Variants in DMBT1 observed in about 807,000 individuals in gnomAD.
DMBT1 encodes deleted in malignant brain tumors 1.
In DMBT1, 198 loss-of-function variants were observed where a neutral mutation model predicts 252.9. The observed-to-expected ratio is 0.78, with a 90% CI of 0.70 to 0.88. The LOEUF (loss-of-function observed/expected upper bound fraction) is 0.88, where lower values mean the gene tolerates loss of function less well. DMBT1 is among the 40% of genes least tolerant of loss of function. The pLI, the probability that DMBT1 is intolerant of heterozygous loss-of-function variation, is 0.00. For synonymous variants in DMBT1, 990 were observed against 942.7 expected, an observed-to-expected ratio of 1.05 and a Z score of -0.92; for missense variants, 2,432 against 2,404.7, an observed-to-expected ratio of 1.01 and a Z score of -0.24.
chr10:122,578,858 GA>G, intron 9 of DMBT1, 99 bp downstream of exon 9: 4 of 1,262,902 alleles, frequency 3.2e-6, no homozygotes, highest in Non-Finnish European at 4.5e-6. Context: ...GAGAGGTGGG[GA>G]AGTGGGCTAA....
chr10:122,576,781 C>T, intron 7 of DMBT1, 59 bp downstream of exon 7: 1 of 1,599,980 alleles, frequency 6.3e-7, no homozygotes, highest in Non-Finnish European at 8.6e-7. Context: ...AATCCCCACA[C>T]TTTGGGAGGA....
Position 122,618,033 on chromosome 10 carries a change from G to C in DMBT1, c.4908G>C (p.Leu1636Phe), listed in dbSNP as rs1365053223. The C allele has an allele frequency of 6.2e-7, 1 of 1,613,054 alleles. No homozygotes were observed. The highest frequency in any genetic ancestry group is 8.5e-7 in the Non-Finnish European group (1 of 1,179,750). ...RASTAGSEST[L>F]ALRLVNGGDR... The stretch of plus-strand genomic sequence containing the variant: ...CCCCTGTAGGATCTGAATCCACTTT[G>C]GCCCTGAGACTGGTGAATGGAGGTG... The change falls in exon 41 of 56, where the codon TTG becomes TTC. Residue 1636 changes from leucine to phenylalanine, a missense_variant. Around this residue, in one of 3 missense-constraint regions of DMBT1, gnomAD observed 1,162 missense variants for 1,169.0 expected, o/e 0.99. Coordinates refer to ENST00000338354, the MANE Select transcript of DMBT1 (RefSeq NM_001377530.1).
intron 9 of DMBT1, among the ~76,000 whole-genome samples, chr10:122,579,275 G>C (rs1469742923): frequency 1.3e-5 from 2 of 152,226 alleles, no homozygotes; most frequent in East Asian, 3.9e-4. Context: ...AGGGGTCTGG[G>C]CCTGCCATCT....
In DMBT1 at chr10:122,570,172, T is replaced by C. The variant is rs1392539611; in HGVS notation, c.102T>C (p.Ile34=). ...TTTTCCACCTCGCAGCTTCACTGAT[T>C]CCCTCGGAGGTGCCCTTGGATCCAA... ...IPRTTDYASL[I]PSEVPLDPTV... is the part of the protein sequence containing the mutation. The change falls in exon 3 of 56, where the codon ATT becomes ATC. Residue 34 remains isoleucine (I), a synonymous_variant. Transcript: ENST00000338354. The C allele has an allele frequency of 1.9e-6, 3 of 1,594,102 alleles. No homozygotes were observed. Among genetic ancestry groups the C allele is most frequent in the East Asian group, 2.2e-5 (1 of 44,766 alleles).
Position 122,633,243 on chromosome 10 carries a change from C to T in DMBT1, c.6450C>T (p.Ser2150=), listed in dbSNP as rs1026058163. 1.2e-5 allele frequency: 19 copies of T among 1,614,056 alleles called. No individual in the cohort carries two copies. Among genetic ancestry groups the T allele is most frequent in the Non-Finnish European group, 1.5e-5 (18 of 1,179,904 alleles). ...FLSQPSGDFS[S]PFYPGNYPNN... ...CCCAACCATCAGGGGACTTTTCCAG[C>T]CCATTCTATCCCGGGAACTATCCAA... is the stretch of plus-strand genomic sequence containing the variant. The change falls in exon 52 of 56, where the codon AGC becomes AGT. Residue 2150 remains serine, a synonymous_variant. Coordinates refer to ENST00000338354, the MANE Select transcript of DMBT1 (RefSeq NM_001377530.1).
chr10:122,641,008 C>T (rs1427199041), intron 55 of DMBT1, among the ~76,000 whole-genome samples: 1 of 152,182 alleles, frequency 6.6e-6, no homozygotes, highest in Non-Finnish European at 1.5e-5. Flanking sequence ...GGATGTGGCA[C>T]TGAGCACAGA....
rs199575931 is a variant in DMBT1 at position 122,586,225 on chromosome 10, T to G, written c.1625T>G (p.Leu542Trp). Reference protein sequence around the residue: ...CRQLGCGWAMLAPGNARFGQG... With the variant: ...CRQLGCGWAMWAPGNARFGQG... ...CAGCTGGGCTGTGGCTGGGCCATGT[T>G]GGCCCCAGGAAATGCCCGGTTTGGT... Residue 542 changes from leucine (L) to tryptophan (W), a missense_variant, in exon 16 of 56, where the codon TTG becomes TGG. By Grantham distance (61) the Leu-to-Trp change is moderately conservative. This residue lies in a region of DMBT1 where 1,264 missense variants were observed against 1,082.2 expected (regional missense o/e 1.17). Coordinates refer to ENST00000338354, the MANE Select transcript of DMBT1 (RefSeq NM_001377530.1). 1.1e-5 allele frequency: 17 copies of G among 1,589,026 alleles called. 1 individual carries two copies. The highest frequency in any genetic ancestry group is 1.5e-5 in the Non-Finnish European group (17 of 1,166,000).
chr10:122,617,685 C>G (rs1591454415), intron 40 of DMBT1, among the ~76,000 whole-genome samples: 1 of 151,762 alleles, frequency 6.6e-6, no homozygotes, highest in Middle Eastern at 3.4e-3. Flanking sequence ...CCACCAAACT[C>G]TTAAACATGG....
chr10:122,630,505 G>C lies in DMBT1; in HGVS notation c.6025+15G>C. 6.2e-7 allele frequency: 1 copy of C among 1,612,432 alleles called. No homozygotes were observed. Among genetic ancestry groups the C allele is most frequent in the Non-Finnish European group, 8.5e-7 (1 of 1,178,672 alleles). ...CTTCCCAAGCGGTAAGTGCACACTA[G>C]ACCATGCCTATGAGGCTTGGTGGAT... On this transcript the variant is annotated intron_variant, in intron 48 of 55. Transcript: ENST00000338354.
At chr10:122,628,063 G>A (rs181994184) in intron 46 of DMBT1, among the ~76,000 whole-genome samples, 1 of 152,324 alleles carries the variant, frequency 6.6e-6, no homozygotes, top group Non-Finnish European at 1.5e-5. Flanking sequence ...CTTATGCACG[G>A]CTGCAGGGAA....
intron 46 of DMBT1, among the ~76,000 whole-genome samples, chr10:122,628,591 G>A (rs1326307624): frequency 3.9e-5 from 6 of 152,116 alleles, no homozygotes; most frequent in Admixed American, 6.5e-5. Context: ...AGCTGAGATC[G>A]TGCCACTGCA....
intron 2 of DMBT1, among the ~76,000 whole-genome samples, chr10:122,567,481 GCCTTTCCTCCCTC>G (rs1328499648): frequency 6.6e-6 from 1 of 152,106 alleles, no homozygotes; most frequent in Non-Finnish European, 1.5e-5. Flanking sequence ...GGTCCAGCTG[GCCTTTCCTCCCTC>G]TGGGAGGAAA....
At chr10:122,642,091 C>T (rs978499883) in intron 55 of DMBT1, among the ~76,000 whole-genome samples, 20 of 151,980 alleles carry the variant, frequency 1.3e-4, no homozygotes, top group African/African-American at 4.6e-4. Flanking sequence ...TCTAAGTGAC[C>T]CTGACCTTTT....
intron 52 of DMBT1, among the ~76,000 whole-genome samples, chr10:122,634,267 T>C (rs2098191199): frequency 6.6e-6 from 1 of 152,010 alleles, no homozygotes; most frequent in Non-Finnish European, 1.5e-5. Context: ...CTCCAGAGGG[T>C]AGGGTATCTG....
chr10:122,620,197 T>G (rs917845561), intron 42 of DMBT1, 56 bp from the exon 43 acceptor site: 1 of 1,574,968 alleles, frequency 6.3e-7, no homozygotes, highest in Non-Finnish European at 8.7e-7. Context: ...GATTTTTTTT[T>G]GTAGCTTTCC....
chr10:122,580,130 C>G lies in DMBT1; in HGVS notation c.1003+229C>G, dbSNP rs537585673. The stretch of plus-strand genomic sequence containing the variant: ...CCCAGAGTTTTTCCCCTTCCTGAGG[C>G]AAGGCAAGGAAGAGGCAGAAGAGAA... On this transcript the variant is annotated intron_variant, in intron 10 of 55. Transcript: ENST00000338354. 5.3e-5 allele frequency among the ~76,000 whole-genome samples: 8 copies of G among 152,250 alleles called. No homozygotes were observed. The East Asian group carries it at 5.8e-4, about 11-fold the overall frequency.
intron 15 of DMBT1, 48 bp downstream of exon 15, chr10:122,585,357 A>G (rs754759425): frequency 1.9e-6 from 3 of 1,562,220 alleles, no homozygotes; most frequent in Non-Finnish European, 2.6e-6. Context: ...CTACCTCTGG[A>G]CAAATGTTTT....
chr10:122,573,005 A>G (rs937026880), intron 5 of DMBT1, among the ~76,000 whole-genome samples: 6 of 152,230 alleles, frequency 3.9e-5, no homozygotes, highest in African/African-American at 1.4e-4. Context: ...TCCTTTGTTC[A>G]CATAGTGCCA....
At chr10:122,570,068 C>T in intron 2 of DMBT1, 94 bp from the exon 3 acceptor site, 6 of 1,191,166 alleles carry the variant, frequency 5.0e-6, no homozygotes, top group Middle Eastern at 3.9e-4. Context: ...TAGGCCCTGG[C>T]TTCCAGTTCT....
Sources: gnomAD v4.1 joint callset for allele counts (sites outside exome capture counted in the v4.1 genomes callset) on GRCh38, gnomAD v4.1.1 for gene constraint, gnomAD v4.1.1 regional missense constraint, MANE v1.5 for transcripts, NCBI Gene and HGNC (gene_info 2026-07-23, HGNC 2026-07-21) for gene names.